Variants in CEPT1 observed in about 807,000 individuals in gnomAD.
The protein encoded by CEPT1 is choline/ethanolaminephosphotransferase 1.
In CEPT1, 7 loss-of-function variants were observed where a neutral mutation model predicts 42.6. The observed-to-expected ratio is 0.16, with a 90% CI of 0.09 to 0.31. The LOEUF is 0.31. CEPT1 is among the 10% of genes least tolerant of loss of function. The pLI is 1.00. For missense variants in CEPT1, 306 were observed against 502.1 expected, an observed-to-expected ratio of 0.61 and a Z score of 3.73; for synonymous variants, 171 against 171.9, an observed-to-expected ratio of 0.99 and a Z score of 0.04.
At position 111,173,508 on chromosome 1, in the gene CEPT1, T is replaced by C. The variant is rs888560189; in HGVS notation, c.630-1371T>C. On this transcript the variant is annotated intron_variant, in intron 4 of 8. Coordinates refer to ENST00000357172, the MANE Select transcript of CEPT1 (RefSeq NM_006090.5). ...TATCTGCTTTACATATTTTTAGAAA[T>C]GGAGGCTCTGTTCTGTTCTGGGAAT... Among the ~76,000 whole-genome samples, 3 of 149,718 alleles carry C rather than the reference T, an allele frequency of 2.0e-5. No homozygotes were observed. In the East Asian group the frequency reaches 6.3e-4, roughly 32 times the overall value.
chr1:111,178,742 A>G (rs1254755066), intron 5 of CEPT1: 1 of 152,186 alleles, frequency 6.6e-6, no homozygotes, highest in Non-Finnish European at 1.5e-5. Flanking sequence ...GTATTAAGCC[A>G]TAAGGGACTT....
intron 4 of CEPT1, chr1:111,167,892 CT>C (rs11339361): frequency 0.25 from 124,157 of 495,160 alleles, 2,066 homozygotes; most frequent in South Asian, 0.32. Context: ...TATCTTTTTC[CT>C]TTTTTTTTTT....
intron 4 of CEPT1, among the ~76,000 whole-genome samples, chr1:111,166,143 G>A (rs146132175): frequency 3.3e-5 from 5 of 152,030 alleles, no homozygotes; most frequent in South Asian, 2.1e-4. Context: ...AGCTCCGTTC[G>A]TTTAATTTTA....
At chr1:111,181,079 A>G (rs527703372) in intron 5 of CEPT1, 25 of 152,306 alleles carry the variant, frequency 1.6e-4, no homozygotes, top group African/African-American at 4.8e-4. Context: ...CAGTAGAATC[A>G]CTTCAACCCG....
intron 3 of CEPT1, chr1:111,160,886 A>T: frequency 2.2e-6 from 1 of 458,530 alleles, no homozygotes; most frequent in African/African-American, 2.0e-5. Flanking sequence ...AAGTCAGGAA[A>T]ATACTCGAAG....
At chr1:111,151,413 CACCCGGCCAGCTT>C (rs1655270645) in intron 2 of CEPT1, among the ~76,000 whole-genome samples, 1 of 152,226 alleles carries the variant, frequency 6.6e-6, no homozygotes, top group African/African-American at 2.4e-5. Flanking sequence ...TGTGCCACCA[CACCCGGCCAGCTT>C]GGTATTATAC....
At chr1:111,177,139 G>A (rs1571153882) in intron 5 of CEPT1, among the ~76,000 whole-genome samples, 1 of 152,306 alleles carries the variant, frequency 6.6e-6, no homozygotes, top group South Asian at 2.1e-4. Context: ...AAGCAGTAAT[G>A]CACTTAGTTC....
In CEPT1 at chr1:111,161,219, T is replaced by G; in HGVS notation, c.552T>G (p.Phe184Leu). The change falls in exon 4 of 9, where the codon TTT becomes TTG. Residue 184 changes from phenylalanine (F) to leucine (L), a missense_variant. By Grantham distance (22) the Phe-to-Leu change is conservative. Transcript: ENST00000357172. ...GGACAAACCCTGATTGGATGTTTTTTTGTTGTTTTGCGGGGACATTTATGT... is the reference window on the plus strand; with the variant it reads ...GGACAAACCCTGATTGGATGTTTTTGTGTTGTTTTGCGGGGACATTTATGT... ...QLGTNPDWMF[F>L]CCFAGTFMFY... 6.2e-7 allele frequency: 1 copy of G among 1,614,074 alleles called. No individual in the cohort carries two copies. Among genetic ancestry groups the G allele is most frequent in the Non-Finnish European group, 8.5e-7 (1 of 1,179,972 alleles).
At chr1:111,156,819 G>C (rs916231470) in intron 2 of CEPT1, among the ~76,000 whole-genome samples, 6 of 152,132 alleles carry the variant, frequency 3.9e-5, no homozygotes, top group African/African-American at 1.4e-4. Context: ...AAAATCTTCA[G>C]TTCTGTTTCA....
At chr1:111,170,901 A>G (rs1157852751) in intron 4 of CEPT1, among the ~76,000 whole-genome samples, 1 of 152,212 alleles carries the variant, frequency 6.6e-6, no homozygotes, top group Non-Finnish European at 1.5e-5. Context: ...AACCAAACTA[A>G]TATAAACAAT....
At position 111,155,891 on chromosome 1, in the gene CEPT1, A is replaced by G. The variant is rs116746451; in HGVS notation, c.340-3489A>G. On this transcript the variant is annotated intron_variant, in intron 2 of 8. Coordinates refer to ENST00000357172, the MANE Select transcript of CEPT1 (RefSeq NM_006090.5). ...CATATGTGTATATGTGTGTGTGTAT[A>G]TGTATATATATATTCTATTTCATTT... Among the ~76,000 whole-genome samples the G allele has an allele frequency of 4.9e-3, 741 of 152,154 alleles. 6 individuals carry two copies. Among genetic ancestry groups the G allele is most frequent in the African/African-American group, 0.017 (698 of 41,548 alleles).
intron 4 of CEPT1, chr1:111,167,893 T>A: frequency 1.2e-4 from 16 of 136,322 alleles, no homozygotes; most frequent in Non-Finnish European, 2.0e-4. Flanking sequence ...ATCTTTTTCC[T>A]TTTTTTTTTT....
At chr1:111,146,915 T>C (rs1303516858) in intron 1 of CEPT1, among the ~76,000 whole-genome samples, 1 of 152,194 alleles carries the variant, frequency 6.6e-6, no homozygotes. Flanking sequence ...ATATTCGTTT[T>C]TACCAATAAG....
At chr1:111,170,618 A>G (rs1046955001) in intron 4 of CEPT1, among the ~76,000 whole-genome samples, 12 of 152,144 alleles carry the variant, frequency 7.9e-5, no homozygotes, top group Admixed American at 2.0e-4. Context: ...CAGTCCACCA[A>G]CAGTTCACCC....
intron 4 of CEPT1, chr1:111,173,022 T>C (rs1381955595): frequency 2.6e-5 from 4 of 152,278 alleles, no homozygotes; most frequent in African/African-American, 9.6e-5. Context: ...TGTTCTCTTT[T>C]ATATTCATCC....
At chr1:111,182,003 A>T (rs1657017435) in intron 5 of CEPT1, 184 bp from the exon 6 acceptor site, 1 of 390,930 alleles carries the variant, frequency 2.6e-6, no homozygotes, top group East Asian at 4.5e-5. Context: ...ATTTCTAAAT[A>T]GTCTCAACTC....
At chr1:111,179,548 G>A (rs1159463725) in intron 5 of CEPT1, 1 of 152,156 alleles carries the variant, frequency 6.6e-6, no homozygotes, top group Admixed American at 6.5e-5. Flanking sequence ...GAGAGAATGT[G>A]CCACCCTCCT....
chr1:111,179,509 T>C (rs1656864498), intron 5 of CEPT1: 1 of 152,232 alleles, frequency 6.6e-6, no homozygotes, highest in South Asian at 2.1e-4. Flanking sequence ...AAAGACAGAA[T>C]GTGCCTGTTC....
At chr1:111,162,537 A>T (rs1016785199) in intron 4 of CEPT1, among the ~76,000 whole-genome samples, 2 of 152,230 alleles carry the variant, frequency 1.3e-5, no homozygotes, top group African/African-American at 2.4e-5. Flanking sequence ...CTACCCAGAA[A>T]CATATGTGAG....
Sources: gnomAD v4.1 joint callset for allele counts (sites outside exome capture counted in the v4.1 genomes callset) on GRCh38, gnomAD v4.1.1 for gene constraint, MANE v1.5 for transcripts, NCBI Gene and HGNC (gene_info 2026-07-23, HGNC 2026-07-21) for gene names.